Variants in DPP6 observed in about 807,000 individuals in gnomAD.
The protein encoded by DPP6 is dipeptidyl peptidase like 6.
DPP6 carries 69 observed loss-of-function variants against 122.6 expected under a neutral mutation model. That is an observed-to-expected ratio of 0.56 (90% CI 0.46 to 0.69). The LOEUF is 0.69. DPP6 is among the 30% of genes least tolerant of loss of function. DPP6 has a pLI of 0.00. For synonymous variants in DPP6, 418 were observed against 433.1 expected (o/e 0.97, Z 0.43); for missense variants, 928 against 1,116.9 (o/e 0.83, Z 2.41).
At chr7:154,198,108 C>G in intron 1 of DPP6, among the ~76,000 whole-genome samples, 1 of 152,100 alleles carries the variant, frequency 6.6e-6, no homozygotes. Context: ...TACGATCATC[C>G]TGGAGCACGG....
chr7:153,817,110 G>T, the DPP6 span, among the ~76,000 whole-genome samples: 1 of 149,570 alleles, frequency 6.7e-6, no homozygotes, highest in Admixed American at 6.7e-5. Flanking sequence ...AGGGAGGAAG[G>T]TTTCATTTGG....
At chr7:154,292,197 C>A (rs186638060) in intron 1 of DPP6, among the ~76,000 whole-genome samples, 1 of 152,090 alleles carries the variant, frequency 6.6e-6, no homozygotes. Flanking sequence ...TGAATGGCAC[C>A]ACCGACAAAG....
chr7:154,781,587 G>A (rs1797033396), intron 10 of DPP6, among the ~76,000 whole-genome samples: 2 of 152,212 alleles, frequency 1.3e-5, no homozygotes, highest in African/African-American at 4.8e-5. Flanking sequence ...ATGGCTGCCC[G>A]AGAGCATACT....
intron 1 of DPP6, chr7:154,305,024 GCCCCA>G (rs1806175827): frequency 5.2e-4 from 3 of 5,756 alleles, no homozygotes; most frequent in African/African-American, 1.4e-3. Flanking sequence ...CCCCTCCCCA[GCCCCA>G]GCCCCAGCCC....
chr7:154,673,843 T>C (rs1268076469), intron 7 of DPP6, among the ~76,000 whole-genome samples: 1 of 152,128 alleles, frequency 6.6e-6, no homozygotes, highest in Admixed American at 6.5e-5. Flanking sequence ...CCTCTTCAGA[T>C]GAATCTGCCT....
intron 1 of DPP6, among the ~76,000 whole-genome samples, chr7:154,089,999 T>C (rs900174405): frequency 7.9e-5 from 12 of 152,240 alleles, no homozygotes; most frequent in African/African-American, 2.9e-4. Flanking sequence ...ACTGTTTTGT[T>C]GTAAATACTA....
intron 1 of DPP6, among the ~76,000 whole-genome samples, chr7:153,940,782 T>C (rs1483630646): frequency 6.6e-6 from 1 of 152,220 alleles, no homozygotes; most frequent in Non-Finnish European, 1.5e-5. Context: ...GTAATCTTCC[T>C]GTCTCTACTC....
chr7:154,675,797 C>T (rs946523812), intron 7 of DPP6, among the ~76,000 whole-genome samples: 5 of 152,176 alleles, frequency 3.3e-5, no homozygotes, highest in African/African-American at 1.2e-4. Flanking sequence ...CATAACTGTC[C>T]CCGTCTGTTC....
At chr7:154,031,927 T>A (rs1799256844) in intron 1 of DPP6, among the ~76,000 whole-genome samples, 1 of 147,760 alleles carries the variant, frequency 6.8e-6, no homozygotes, top group Admixed American at 6.9e-5. Flanking sequence ...AGTGGCACAA[T>A]CTCGGCTCAC....
chr7:153,971,593 G>A (rs1441213584), intron 1 of DPP6, among the ~76,000 whole-genome samples: 1 of 132,010 alleles, frequency 7.6e-6, no homozygotes, highest in Non-Finnish European at 1.7e-5. Flanking sequence ...ATATCTTTTG[G>A]CAGGTTATGA....
chr7:154,101,783 C>T (rs1381211121), intron 1 of DPP6, among the ~76,000 whole-genome samples: 1 of 151,510 alleles, frequency 6.6e-6, no homozygotes, highest in Admixed American at 6.6e-5. Flanking sequence ...CAAAAATTAG[C>T]TGGGCACTGT....
At chr7:154,743,427 G>T (rs937319618) in intron 8 of DPP6, among the ~76,000 whole-genome samples, 4 of 152,182 alleles carry the variant, frequency 2.6e-5, no homozygotes, top group African/African-American at 9.7e-5. Flanking sequence ...TTTGTGCACT[G>T]CGATTTTCCA....
chr7:154,542,895 G>T (rs1005257644), intron 4 of DPP6, among the ~76,000 whole-genome samples: 12 of 152,174 alleles, frequency 7.9e-5, no homozygotes, highest in African/African-American at 2.9e-4. Context: ...TGCCTCAATT[G>T]CTCTATCTCC....
intron 1 of DPP6, among the ~76,000 whole-genome samples, chr7:154,252,168 T>A (rs1802388008): frequency 6.6e-6 from 1 of 152,210 alleles, no homozygotes; most frequent in Non-Finnish European, 1.5e-5. Flanking sequence ...GGTGAGCACA[T>A]TTATTTACTT....
In DPP6 at chr7:154,821,625, TC is replaced by T. The variant is rs1428901377; in HGVS notation, c.1666+14514del. On this transcript the variant is annotated intron_variant, in intron 16 of 25. Coordinates refer to ENST00000377770, the MANE Select transcript of DPP6 (RefSeq NM_130797.4). This position sits in a 1 kb window ranked among gnomAD's most constrained non-coding sequence, Gnocchi z 4.2. ...TGAATATATATATATATATTTTTTTTCTGTATATATATATATATATACACAT... is the reference window on the plus strand; with the variant it reads ...TGAATATATATATATATATTTTTTTTTGTATATATATATATATATACACAT... Among the ~76,000 whole-genome samples, 1 of 116,992 alleles carries T rather than the reference TC, an allele frequency of 8.5e-6. No individual in the cohort carries two copies. Among genetic ancestry groups the T allele is most frequent in the Admixed American group, 8.5e-5 (1 of 11,802 alleles). The allele number at this position is 116,992 out of a possible 152,430, so 76.8% of individuals were successfully genotyped here. A position where few individuals can be genotyped will look rare whatever the true frequency, so the allele number is the denominator to read the frequency against.
intron 1 of DPP6, among the ~76,000 whole-genome samples, chr7:154,023,788 T>C (rs1193576085): frequency 6.6e-6 from 1 of 152,174 alleles, no homozygotes; most frequent in Non-Finnish European, 1.5e-5. Context: ...GGTCTGCCTT[T>C]AGATATTTTA....
intron 1 of DPP6, among the ~76,000 whole-genome samples, chr7:154,205,074 ATAT>A (rs1402414786): frequency 6.6e-6 from 1 of 151,924 alleles, no homozygotes; most frequent in African/African-American, 2.4e-5. Flanking sequence ...GTCATTGCTG[ATAT>A]TATTTCTCTC....
In DPP6 at chr7:154,154,226, G is replaced by A. The variant is rs369227544; in HGVS notation, c.243+101163G>A. Among the ~76,000 whole-genome samples the A allele has an allele frequency of 1.6e-4, 25 of 152,314 alleles. 1 individual carries two copies. The East Asian group carries it at 4.8e-3, about 29-fold the overall frequency. On this transcript the variant is annotated intron_variant, in intron 1 of 25. Transcript: ENST00000377770. ...ATATTGTGGAAATATTCCATACTTC[G>A]CTGGGATATTTTCACTGAAATCGTT...
chr7:154,856,497 A>T (rs986547558), intron 17 of DPP6, among the ~76,000 whole-genome samples: 3 of 152,234 alleles, frequency 2.0e-5, no homozygotes, highest in Admixed American at 2.0e-4. Context: ...GGTAATCTAT[A>T]GGTGGGCTGA....
Sources: gnomAD v4.1 joint callset for allele counts (sites outside exome capture counted in the v4.1 genomes callset) on GRCh38, gnomAD v4.1.1 for gene constraint, Gnocchi (gnomAD v3.1) non-coding constraint, MANE v1.5 for transcripts, NCBI Gene and HGNC (gene_info 2026-07-23, HGNC 2026-07-21) for gene names.